The following WWOX variants were observed in gnomAD, a reference collection of about 807,000 sequenced individuals.
WWOX encodes WW domain containing oxidoreductase, also known as WW domain-containing oxidoreductase.
WWOX carries 69 observed loss-of-function variants against 46.2 expected under a neutral mutation model. That is an observed-to-expected ratio of 1.49 (90% CI 1.23 to 1.82). The LOEUF is 1.82. Among genes scored for constraint, WWOX ranks in the 40% most tolerant of loss-of-function variants. The pLI, the probability that WWOX is intolerant of heterozygous loss-of-function variation, is 0.00. For synonymous variants in WWOX, 359 were observed against 202.6 expected (o/e 1.77, Z -6.56); for missense variants, 919 against 542.6 (o/e 1.69, Z -6.89).
intron 5 of WWOX, among the ~76,000 whole-genome samples, chr16:78,274,436 G>A (rs2079540419): frequency 6.6e-6 from 1 of 152,082 alleles, no homozygotes; most frequent in African/African-American, 2.4e-5. Flanking sequence ...AATTCCTGTT[G>A]GATATCCCTC....
chr16:78,995,933 C>G (rs185139783), intron 8 of WWOX, among the ~76,000 whole-genome samples: 1 of 151,986 alleles, frequency 6.6e-6, no homozygotes, highest in Non-Finnish European at 1.5e-5. Context: ...TGTGACAGTT[C>G]GATTAATTTA....
chr16:78,320,544 C>T (rs1268470103), intron 5 of WWOX, among the ~76,000 whole-genome samples: 1 of 152,168 alleles, frequency 6.6e-6, no homozygotes, highest in Non-Finnish European at 1.5e-5. Flanking sequence ...CTTCCTTTGC[C>T]AAACCTAATT....
intron 8 of WWOX, among the ~76,000 whole-genome samples, chr16:78,972,216 C>T (rs1056732171): frequency 3.9e-5 from 6 of 151,988 alleles, no homozygotes; most frequent in Non-Finnish European, 7.4e-5. Flanking sequence ...CTTGGAGGGG[C>T]GTTCAGACAA....
At chr16:78,269,360 A>T (rs930746588) in intron 5 of WWOX, among the ~76,000 whole-genome samples, 3 of 152,196 alleles carry the variant, frequency 2.0e-5, no homozygotes, top group Non-Finnish European at 4.4e-5. Flanking sequence ...AAAGGGACGC[A>T]AAAGCTAGTC....
intron 5 of WWOX, among the ~76,000 whole-genome samples, chr16:78,362,631 AAAG>A (rs1200299609): frequency 2.6e-5 from 4 of 152,194 alleles, no homozygotes; most frequent in South Asian, 4.2e-4. Context: ...CAAAAAAAGA[AAAG>A]AAAGGAAAAA....
intron 1 of WWOX, among the ~76,000 whole-genome samples, chr16:78,106,468 G>A (rs950089757): frequency 7.0e-6 from 1 of 143,048 alleles, no homozygotes; most frequent in Non-Finnish European, 1.5e-5. Flanking sequence ...TGTTGCCCAG[G>A]CTGGAGTGCA....
At chr16:79,084,389 T>C (rs2048816830) in intron 8 of WWOX, among the ~76,000 whole-genome samples, 1 of 152,132 alleles carries the variant, frequency 6.6e-6, no homozygotes, top group Non-Finnish European at 1.5e-5. Flanking sequence ...AAAATATAAA[T>C]AATTCCTAAA....
In WWOX at chr16:78,129,157, C is replaced by T. The variant is rs566448493; in HGVS notation, c.409+14003C>T. The stretch of plus-strand genomic sequence containing the variant: ...ACCTTTTTCCTCCCAGGGTTAGCGT[C>T]GCCACTTGCCCAGTGTTTCTTTTTT... On this transcript the variant is annotated intron_variant, in intron 4 of 8. Coordinates refer to ENST00000566780, the MANE Select transcript of WWOX (RefSeq NM_016373.4). Among the ~76,000 whole-genome samples the T allele has an allele frequency of 6.6e-5, 10 of 152,258 alleles. 1 individual carries two copies. In the East Asian group the frequency reaches 1.2e-3, roughly 18 times the overall value.
At chr16:78,602,326 A>G (rs150540324) in intron 8 of WWOX, among the ~76,000 whole-genome samples, 2,449 of 152,142 alleles carry the variant, frequency 0.016, 49 homozygotes, top group East Asian at 0.068. Context: ...TTCACCTCCT[A>G]GGTTCCAGCG....
chr16:78,774,908 C>T (rs1437334322), intron 8 of WWOX, among the ~76,000 whole-genome samples: 1 of 152,170 alleles, frequency 6.6e-6, no homozygotes, highest in East Asian at 1.9e-4. Flanking sequence ...GGAACGTCAC[C>T]GTTGCCCATA....
At chr16:78,105,824 T>C (rs2032103646) in intron 1 of WWOX, among the ~76,000 whole-genome samples, 1 of 152,018 alleles carries the variant, frequency 6.6e-6, no homozygotes, top group South Asian at 2.1e-4. Context: ...TATTTTTAGG[T>C]TGAGTCTTGC....
At chr16:79,040,839 T>A (rs1026073829) in intron 8 of WWOX, among the ~76,000 whole-genome samples, 1 of 151,930 alleles carries the variant, frequency 6.6e-6, no homozygotes, top group South Asian at 2.1e-4. Context: ...GTACTGGGAT[T>A]TTTTTCCGAT....
chr16:79,025,679 T>G (rs2047623758), intron 8 of WWOX, among the ~76,000 whole-genome samples: 1 of 152,194 alleles, frequency 6.6e-6, no homozygotes, highest in Non-Finnish European at 1.5e-5. Context: ...TCTATTGTTT[T>G]AAGCTACCAC....
intron 8 of WWOX, among the ~76,000 whole-genome samples, chr16:78,680,779 C>G (rs775734934): frequency 6.6e-6 from 1 of 152,094 alleles, no homozygotes; most frequent in Non-Finnish European, 1.5e-5. Context: ...GAGCACTTAG[C>G]CCAGTGTTGG....
rs993131265 is a variant in WWOX, at chr16:78,215,950, C to T, written c.516+51661C>T. On this transcript the variant is annotated intron_variant, in intron 5 of 8. Coordinates refer to ENST00000566780, the MANE Select transcript of WWOX (RefSeq NM_016373.4). ...AAAAGAGAAAGAAAACAGATTAATA[C>T]AATGATCTGTGAGATATTGGGACTG... 2.6e-5 allele frequency among the ~76,000 whole-genome samples: 4 copies of T among 151,504 alleles called. No homozygotes were observed. The East Asian group carries it at 7.7e-4, about 29-fold the overall frequency.
intron 8 of WWOX, among the ~76,000 whole-genome samples, chr16:79,208,260 T>C (rs959118840): frequency 2.6e-5 from 4 of 152,296 alleles, no homozygotes; most frequent in Middle Eastern, 6.8e-3. Flanking sequence ...TCCCAGAAAT[T>C]CTCAGTCCTG....
chr16:78,893,802 A>G (rs898827248), intron 8 of WWOX, among the ~76,000 whole-genome samples: 1 of 151,988 alleles, frequency 6.6e-6, no homozygotes, highest in Non-Finnish European at 1.5e-5. Flanking sequence ...TTCATCGATC[A>G]CACTTTTGCT....
chr16:78,325,271 G>T (rs370833917), intron 5 of WWOX, among the ~76,000 whole-genome samples: 5 of 152,164 alleles, frequency 3.3e-5, no homozygotes, highest in East Asian at 3.9e-4. Context: ...CTGATCACAG[G>T]TGTTGTTAAA....
intron 8 of WWOX, among the ~76,000 whole-genome samples, chr16:78,865,830 G>A (rs575622319): frequency 1.3e-5 from 2 of 152,308 alleles, no homozygotes; most frequent in South Asian, 2.1e-4. Context: ...CAGTGAGCCA[G>A]ATTGCACCAC....
Sources: allele counts gnomAD v4.1 joint callset (sites outside exome capture counted in the v4.1 genomes callset), GRCh38; gene constraint gnomAD v4.1.1; transcripts MANE v1.5; gene names NCBI Gene and HGNC (gene_info 2026-07-23, HGNC 2026-07-21).